MTHFD2L: variants seen among roughly 807,000 people sequenced by gnomAD.
The protein encoded by MTHFD2L is methylenetetrahydrofolate dehydrogenase (NADP+ dependent) 2 like.
MTHFD2L carries 29 observed loss-of-function variants against 34.9 expected under a neutral mutation model. The ratio of observed to expected loss-of-function variants is 0.83; its 90% confidence interval spans 0.62 to 1.13. The LOEUF is 1.13. Among genes scored for constraint, MTHFD2L ranks in the 50% most tolerant of loss-of-function variants. The probability of loss-of-function intolerance (pLI) is 0.00; values close to 1 mark genes in which losing one functional copy is unlikely to be tolerated. For missense variants in MTHFD2L, 481 were observed against 446.5 expected (o/e 1.08, Z -0.70); for synonymous variants, 167 against 155.7 (o/e 1.07, Z -0.54).
At chr4:74,179,761 A>G (rs1300371367) in intron 3 of MTHFD2L, among the ~76,000 whole-genome samples, 1 of 152,146 alleles carries the variant, frequency 6.6e-6, no homozygotes, top group African/African-American at 2.4e-5. Flanking sequence ...GTAATAAATA[A>G]TTTAAATATT....
chr4:74,190,113 C>T (rs1031424307), intron 3 of MTHFD2L, among the ~76,000 whole-genome samples: 10 of 152,144 alleles, frequency 6.6e-5, no homozygotes, highest in Non-Finnish European at 1.3e-4. Context: ...CCCAAAAAAA[C>T]ATCTTTTCTT....
chr4:74,267,106 T>A, intron 6 of MTHFD2L: 1 of 985,340 alleles, frequency 1.0e-6, no homozygotes, highest in Non-Finnish European at 1.2e-6. Context: ...ACAATTTTCC[T>A]TTAAATAAAT....
At chr4:74,240,167 G>A (rs1314732977) in intron 6 of MTHFD2L, among the ~76,000 whole-genome samples, 1 of 152,154 alleles carries the variant, frequency 6.6e-6, no homozygotes, top group African/African-American at 2.4e-5. Flanking sequence ...CTCTGCAAAG[G>A]GTTTTGAGCA....
At chr4:74,300,122 G>A (rs1578767229) in intron 7 of MTHFD2L, among the ~76,000 whole-genome samples, 1 of 151,996 alleles carries the variant, frequency 6.6e-6, no homozygotes, top group African/African-American at 2.4e-5. Flanking sequence ...ATGGAAATGT[G>A]GCAATGGAAA....
In MTHFD2L at chr4:74,118,082, G is replaced by A. The variant is rs551314216; in HGVS notation, c.-144+3425G>A. ...CTCCTACAACCGTGCTTGGTACATA[G>A]GGTGTTGAAAAAGTATTTATGAAAT... is the stretch of plus-strand genomic sequence containing the variant. On this transcript the variant is annotated intron_variant and NMD_transcript_variant, in intron 2 of 9. Coordinates refer to the MTHFD2L transcript ENST00000429519. 1.1e-4 allele frequency among the ~76,000 whole-genome samples: 16 copies of A among 152,122 alleles called. No individual in the cohort carries two copies. In the East Asian group the frequency reaches 2.3e-3, roughly 22 times the overall value.
At chr4:74,143,569 T>A in intron 1 of MTHFD2L, 1 of 321,628 alleles carries the variant, frequency 3.1e-6, no homozygotes, top group Non-Finnish European at 4.5e-6. Context: ...CATTTTCTAT[T>A]TTCCTACTTT....
intron 1 of MTHFD2L, chr4:74,140,584 T>C: frequency 2.1e-6 from 2 of 965,016 alleles, no homozygotes; most frequent in South Asian, 9.6e-5. Flanking sequence ...GGCAATATAA[T>C]TCAAGGACAT....
At chr4:74,211,308 T>C (rs1407125553) in intron 5 of MTHFD2L, among the ~76,000 whole-genome samples, 2 of 152,338 alleles carry the variant, frequency 1.3e-5, no homozygotes, top group East Asian at 3.9e-4. Flanking sequence ...CACTATGATA[T>C]TGGCTATGGG....
In MTHFD2L at chr4:74,127,225, G is replaced by A. The variant is rs1360252138; in HGVS notation, c.-297+1708G>A. Among the ~76,000 whole-genome samples the A allele has an allele frequency of 2.0e-5, 3 of 152,192 alleles. 1 individual carries two copies. The East Asian group carries it at 5.8e-4, about 29-fold the overall frequency. ...AATACAATCAAATCAGGGTAATTGG[G>A]ATGTACATCACCTTAAATACTTTTC... On this transcript the variant is annotated intron_variant, in intron 1 of 7. Coordinates refer to the MTHFD2L transcript ENST00000433372.
intron 1 of MTHFD2L, chr4:74,164,948 C>A: frequency 1.0e-6 from 1 of 984,932 alleles, no homozygotes; most frequent in Non-Finnish European, 1.2e-6. Flanking sequence ...TGGGAAACCA[C>A]CTGAGCAAGT....
In MTHFD2L at chr4:74,150,482, G is replaced by A. The variant is rs111570227; in HGVS notation, c.-296-9573G>A. On this transcript the variant is annotated intron_variant, in intron 1 of 7. Coordinates refer to the MTHFD2L transcript ENST00000433372. Reference sequence around the variant, plus strand: ...TTGGTCAGGCTGGTCTCAAACTGCCGACCTCGGGTGATCCGCCCGCCTAGG... The same window carrying A: ...TTGGTCAGGCTGGTCTCAAACTGCCAACCTCGGGTGATCCGCCCGCCTAGG... 3.2e-3 allele frequency among the ~76,000 whole-genome samples: 494 copies of A among 152,268 alleles called. 3 individuals are homozygous for A. The highest frequency in any genetic ancestry group is 0.011 in the African/African-American group (467 of 41,552).
At chr4:74,256,816 C>G (rs1200493546) in intron 6 of MTHFD2L, among the ~76,000 whole-genome samples, 1 of 152,090 alleles carries the variant, frequency 6.6e-6, no homozygotes, top group African/African-American at 2.4e-5. Context: ...TGTTTTTGTA[C>G]CAGCATCATG....
At chr4:74,259,359 A>G (rs1744409558) in intron 6 of MTHFD2L, among the ~76,000 whole-genome samples, 1 of 152,148 alleles carries the variant, frequency 6.6e-6, no homozygotes, top group Admixed American at 6.6e-5. Flanking sequence ...TCATCTCAGC[A>G]CAGGGTAAAG....
At chr4:74,296,605 C>T (rs182444631) in intron 7 of MTHFD2L, among the ~76,000 whole-genome samples, 47 of 152,210 alleles carry the variant, frequency 3.1e-4, no homozygotes, top group African/African-American at 1.0e-3. Flanking sequence ...AGCCATACTA[C>T]AGCAGTGAAT....
chr4:74,280,536 T>C (rs1382588206), intron 6 of MTHFD2L: 1 of 152,114 alleles, frequency 6.6e-6, no homozygotes, highest in East Asian at 1.9e-4. Context: ...CTAAGCCAGA[T>C]GCATCCAGAT....
chr4:74,231,466 G>A (rs1323854506), intron 6 of MTHFD2L, among the ~76,000 whole-genome samples: 3 of 152,120 alleles, frequency 2.0e-5, no homozygotes, highest in Admixed American at 6.5e-5. Context: ...AGTGATGCCA[G>A]CACATTTCAT....
chr4:74,237,765 A>C (rs1008326324), intron 6 of MTHFD2L, among the ~76,000 whole-genome samples: 2 of 152,186 alleles, frequency 1.3e-5, no homozygotes, highest in Non-Finnish European at 2.9e-5. Context: ...GTTCCACTTC[A>C]TGAAAGCTTA....
chr4:74,187,134 A>G (rs1034738728), intron 3 of MTHFD2L, among the ~76,000 whole-genome samples: 5 of 152,224 alleles, frequency 3.3e-5, no homozygotes, highest in African/African-American at 4.8e-5. Context: ...TAGAAAAGAA[A>G]TGCTAGAAAT....
chr4:74,177,821 G>A (rs969936489), intron 3 of MTHFD2L, among the ~76,000 whole-genome samples: 2 of 151,886 alleles, frequency 1.3e-5, no homozygotes, highest in Non-Finnish European at 1.5e-5. Flanking sequence ...GCACATTGCA[G>A]CATTACTTTA....
Sources: allele counts gnomAD v4.1 joint callset (sites outside exome capture counted in the v4.1 genomes callset), GRCh38; gene constraint gnomAD v4.1.1; transcripts MANE v1.5; gene names NCBI Gene and HGNC (gene_info 2026-07-23, HGNC 2026-07-21).